Variants in CD40 observed in about 807,000 individuals in gnomAD.
CD40 encodes the protein CD40 molecule.
Under a neutral mutation model 38.5 loss-of-function variants are expected in CD40, and 19 were observed. That is an observed-to-expected ratio of 0.49 (90% confidence interval 0.34 to 0.72). CD40 has a LOEUF of 0.72. Ranked by LOEUF, CD40 falls within the 30% of genes least tolerant of loss-of-function variation. The pLI, the probability that CD40 is intolerant of heterozygous loss-of-function variation, is 0.01. For synonymous variants in CD40, 130 were observed against 128.7 expected (o/e 1.01, Z -0.07); for missense variants, 256 against 344.1 (o/e 0.74, Z 2.03).
intron 8 of CD40, chr20:46,128,592 CT>C: frequency 1.4e-6 from 1 of 707,972 alleles, no homozygotes; most frequent in Non-Finnish European, 2.5e-6. Flanking sequence ...TTCTTCACTC[CT>C]TTCCTGGCAT....
chr20:46,123,701 T>G (rs1257571032), intron 5 of CD40, among the ~76,000 whole-genome samples: 1 of 152,160 alleles, frequency 6.6e-6, no homozygotes, highest in African/African-American at 2.4e-5. Context: ...GCCTCATCAC[T>G]GTGGTCTGGG....
Position 46,123,158 on chromosome 20 carries a change from T to C in CD40, c.436T>C (p.Cys146Arg). ...TGVSDTICEPCPVGFFSNVSS... is the reference protein window; with the variant it reads ...TGVSDTICEPRPVGFFSNVSS... ...GGTTTCTGATACCATCTGCGAGCCC[T>C]GCCCAGTCGGCTTCTTCTCCAATGT... Residue 146 changes from cysteine (C) to arginine (R), a missense_variant, in exon 5 of 9, where the codon TGC becomes CGC. Transcript: ENST00000372285. 1 of 1,614,224 alleles carries C rather than the reference T, an allele frequency of 6.2e-7. No homozygotes were observed. Among genetic ancestry groups the C allele is most frequent in the Non-Finnish European group, 8.5e-7 (1 of 1,180,018 alleles).
At chr20:46,120,040 A>C (rs2085287804) in intron 1 of CD40, among the ~76,000 whole-genome samples, 2 of 152,152 alleles carry the variant, frequency 1.3e-5, no homozygotes, top group African/African-American at 4.8e-5. Flanking sequence ...GGTGGGGGGC[A>C]GTAGCCTTTT....
Position 46,129,327 on chromosome 20 carries a change from T to C in CD40, c.*287T>C. 2.3e-6 allele frequency: 1 copy of C among 441,682 alleles called. No individual in the cohort carries two copies. The highest frequency in any genetic ancestry group is 2.0e-5 in the South Asian group (1 of 49,020). 27.4% of individuals were successfully genotyped at this position (441,682 alleles called of 1,614,324 possible). ...GTGGTGGTGTTGGGGTATGGTTTAG[T>C]AATATCCACCAGACCTTCCGATCCA... On this transcript the variant is annotated 3_prime_UTR_variant, in exon 9 of 9. Transcript: ENST00000372285.
Position 46,123,067 on chromosome 20 carries a change from G to A in CD40, c.404-59G>A, listed in dbSNP as rs376408154. The A allele has an allele frequency of 5.8e-4, 783 of 1,341,252 alleles. 7 individuals are homozygous for A. In the African/African-American group the frequency reaches 0.01, roughly 17 times the overall value. 83.1% of individuals were successfully genotyped at this position (1,341,252 alleles called of 1,614,324 possible). ...GTCCTGCCTGGCCACTGGCTGCCTT[G>A]TGAGCCGGACAGGTGGTCCACTGTG... On this transcript the variant is annotated intron_variant, in intron 4 of 8. Transcript: ENST00000372285.
intron 5 of CD40, among the ~76,000 whole-genome samples, chr20:46,124,496 A>AACACAC (rs756357206): frequency 1.3e-5 from 2 of 149,512 alleles, no homozygotes; most frequent in Non-Finnish European, 3.0e-5. Flanking sequence ...TAAACAAACC[A>AACACAC]ACACACACAC....
At chr20:46,125,838 C>T (rs1252443683) in intron 5 of CD40, among the ~76,000 whole-genome samples, 1 of 152,190 alleles carries the variant, frequency 6.6e-6, no homozygotes, top group Non-Finnish European at 1.5e-5. Context: ...CAGCTGAATC[C>T]AGTTGAAAAC....
rs2085328831 is a variant in CD40 at position 46,122,047 on chromosome 20, C to G, written c.130+149C>G. On this transcript the variant is annotated intron_variant, in intron 2 of 8. Transcript: ENST00000372285. The surrounding 1 kb of genome is among the most constrained non-coding windows in gnomAD (Gnocchi z 5.0). ...TCAGAATGTTCTGGTTCCCTCTCTA[C>G]CAGGTAAAACTCTGTCTACCCTGAA... 4 of 1,010,024 alleles carry G rather than the reference C, an allele frequency of 4.0e-6. No individual in the cohort carries two copies. The highest frequency in any genetic ancestry group is 6.1e-6 in the Non-Finnish European group (4 of 651,818). 62.6% of individuals were successfully genotyped at this position (1,010,024 alleles called of 1,614,324 possible). A position where few individuals can be genotyped will look rare whatever the true frequency, so the allele number is the denominator to read the frequency against.
At chr20:46,120,815 A>T (rs946563630) in intron 1 of CD40, among the ~76,000 whole-genome samples, 7 of 152,252 alleles carry the variant, frequency 4.6e-5, no homozygotes, top group Non-Finnish European at 7.3e-5. Context: ...CTGTAATCCC[A>T]GCACTTTGGG....
chr20:46,127,657 G>GA (rs961240798), intron 6 of CD40, among the ~76,000 whole-genome samples: 1 of 151,222 alleles, frequency 6.6e-6, no homozygotes, highest in Non-Finnish European at 1.5e-5. Flanking sequence ...TTCCCACTTT[G>GA]AAAAAAAAAT....
Position 46,122,640 on chromosome 20 carries a change from C to T in CD40, c.287C>T (p.Thr96Ile), listed in dbSNP as rs2085341048. Residue 96 changes from threonine (T) to isoleucine (I), a missense_variant, in exon 4 of 9, where the codon ACC becomes ATC. Thr to Ile is a moderately conservative substitution (Grantham distance 89). Transcript: ENST00000372285. This position sits in a 1 kb window ranked among gnomAD's most constrained non-coding sequence, Gnocchi z 5.0. ...NLGLRVQQKGTSETDTICTCE... is the reference protein window; with the variant it reads ...NLGLRVQQKGISETDTICTCE... ...GGGCTTCGGGTCCAGCAGAAGGGCACCTCAGAAACAGACACCATCTGCACC... is the reference window on the plus strand; with the variant it reads ...GGGCTTCGGGTCCAGCAGAAGGGCATCTCAGAAACAGACACCATCTGCACC... The T allele has an allele frequency of 1.2e-6, 2 of 1,614,024 alleles. No homozygotes were observed. The highest frequency in any genetic ancestry group is 1.7e-5 in the Admixed American group (1 of 60,004).
chr20:46,122,923 C>A lies in CD40; in HGVS notation c.403+167C>A. 1.0e-6 allele frequency: 1 copy of A among 953,678 alleles called. No individual in the cohort carries two copies. Among genetic ancestry groups the A allele is most frequent in the Non-Finnish European group, 1.6e-6 (1 of 625,574 alleles). The allele number at this position is 953,678 out of a possible 1,614,324, so 59.1% of individuals were successfully genotyped here. ...AGCTGCAGACGGGACCTTGTTCATT[C>A]TGCCTTCTGCCATGGGGATCTGCCT... is the stretch of plus-strand genomic sequence containing the variant. On this transcript the variant is annotated intron_variant, in intron 4 of 8. Coordinates refer to ENST00000372285, the MANE Select transcript of CD40 (RefSeq NM_001250.6). This position sits in a 1 kb window ranked among gnomAD's most constrained non-coding sequence, Gnocchi z 5.0.
chr20:46,127,840 G>C (rs2085467201), intron 6 of CD40: 1 of 468,932 alleles, frequency 2.1e-6, no homozygotes. Flanking sequence ...GTTCCCAGGT[G>C]GGGAGGCTGC....
At chr20:46,128,511 C>T in intron 8 of CD40, 153 bp downstream of exon 8, 1 of 833,508 alleles carries the variant, frequency 1.2e-6, no homozygotes, top group Non-Finnish European at 2.0e-6. Context: ...ACCCACCATG[C>T]TCCTTCCATC....
Position 46,122,581 on chromosome 20 carries a change from T to A in CD40, c.257-29T>A. 6.2e-7 allele frequency: 1 copy of A among 1,613,990 alleles called. No individual in the cohort carries two copies. The highest frequency in any genetic ancestry group is 8.5e-7 in the Non-Finnish European group (1 of 1,179,920). ...CTCAGAGCATGGCCCAGCAGGGGGT[T>A]CCCATCCTTCCTGCCCTTCTCTTCT... On this transcript the variant is annotated intron_variant, in intron 3 of 8. Transcript: ENST00000372285. The surrounding 1 kb of genome is among the most constrained non-coding windows in gnomAD (Gnocchi z 5.0).
chr20:46,122,929 T>C lies in CD40; in HGVS notation c.403+173T>C. ...AGACGGGACCTTGTTCATTCTGCCT[T>C]CTGCCATGGGGATCTGCCTTTGAAG... On this transcript the variant is annotated intron_variant, in intron 4 of 8. Coordinates refer to ENST00000372285, the MANE Select transcript of CD40 (RefSeq NM_001250.6). The surrounding 1 kb of genome is among the most constrained non-coding windows in gnomAD (Gnocchi z 5.0). 1 of 946,834 alleles carries C rather than the reference T, an allele frequency of 1.1e-6. No homozygotes were observed. The highest frequency in any genetic ancestry group is 1.6e-6 in the Non-Finnish European group (1 of 618,308). 58.7% of individuals were successfully genotyped at this position (946,834 alleles called of 1,614,324 possible).
chr20:46,129,704 G>A lies in CD40; in HGVS notation c.*664G>A, dbSNP rs905043266. Reference sequence around the variant, plus strand: ...AGGGTACACAGAAAACCCACAGCTCGAAGAGTGGTGACGTCTGGGGTGGGG... The same window carrying A: ...AGGGTACACAGAAAACCCACAGCTCAAAGAGTGGTGACGTCTGGGGTGGGG... On this transcript the variant is annotated 3_prime_UTR_variant, in exon 9 of 9. Coordinates refer to ENST00000372285, the MANE Select transcript of CD40 (RefSeq NM_001250.6). 2 of 152,610 alleles carry A rather than the reference G, an allele frequency of 1.3e-5. No individual in the cohort carries two copies. The highest frequency in any genetic ancestry group is 2.9e-5 in the Non-Finnish European group (2 of 68,414). 9.5% of individuals were successfully genotyped at this position (152,610 alleles called of 1,614,324 possible).
Position 46,123,133 on chromosome 20 carries a change from G to A in CD40, c.411G>A (p.Gly137=). The A allele has an allele frequency of 6.8e-6, 11 of 1,613,780 alleles. No homozygotes were observed. Among genetic ancestry groups the A allele is most frequent in the African/African-American group, 1.3e-5 (1 of 75,050 alleles). Residue 137 remains glycine (G), a synonymous_variant, in exon 5 of 9, where the codon GGG becomes GGA. Coordinates refer to ENST00000372285, the MANE Select transcript of CD40 (RefSeq NM_001250.6). The part of the protein sequence containing the change: ...PGFGVKQIAT[G]VSDTICEPCP... ...CTCCCCACCCACTCCCAGCTACAGG[G>A]GTTTCTGATACCATCTGCGAGCCCT...
intron 1 of CD40, among the ~76,000 whole-genome samples, chr20:46,118,828 G>A (rs1352848238): frequency 6.6e-6 from 1 of 152,226 alleles, no homozygotes; most frequent in Non-Finnish European, 1.5e-5. Flanking sequence ...AGCTGGGGCT[G>A]CCTTCTTCCA....
Sources: gnomAD v4.1 joint callset for allele counts (sites outside exome capture counted in the v4.1 genomes callset) on GRCh38, gnomAD v4.1.1 for gene constraint, Gnocchi (gnomAD v3.1) non-coding constraint, MANE v1.5 for transcripts, NCBI Gene and HGNC (gene_info 2026-07-23, HGNC 2026-07-21) for gene names.